IFNGR1: variants seen among roughly 807,000 people sequenced by gnomAD.
IFNGR1 encodes interferon gamma receptor 1, also known as AVP, type 2.
Under a neutral mutation model 35.4 loss-of-function variants are expected in IFNGR1, and 23 were observed. The observed-to-expected ratio is 0.65, with a 90% CI of 0.47 to 0.92. IFNGR1 has a LOEUF of 0.92. Ranked by LOEUF, IFNGR1 falls within the 40% of genes least tolerant of loss-of-function variation. The pLI, the probability that IFNGR1 is intolerant of heterozygous loss-of-function variation, is 0.00. For missense variants in IFNGR1, 533 were observed against 583.4 expected (o/e 0.91, Z 0.89); for synonymous variants, 199 against 209.5 (o/e 0.95, Z 0.43).
chr6:137,199,368 T>C (rs1421827705), intron 6 of IFNGR1, among the ~76,000 whole-genome samples: 1 of 130,384 alleles, frequency 7.7e-6, no homozygotes, highest in Non-Finnish European at 1.6e-5. Flanking sequence ...TAATATATTA[T>C]ATAAAATATA....
At chr6:137,205,917 T>C (rs1048002560) in intron 3 of IFNGR1, among the ~76,000 whole-genome samples, 3 of 152,234 alleles carry the variant, frequency 2.0e-5, no homozygotes, top group African/African-American at 7.2e-5. Context: ...CCAATGAGTA[T>C]TTCCTTTGAG....
Position 137,219,245 on chromosome 6 carries a change from G to A in IFNGR1, c.83C>T (p.Ser28Leu). Residue 28 changes from serine (S) to leucine (L), a missense_variant and splice_region_variant, in exon 1 of 7, where the codon TCA becomes TTA. Transcript: ENST00000367739. ...EMGTADLGPS[S>L]VPTPTNVTIE... Reference sequence around the variant, plus strand: ...AGCCCTGCCGCGAACGACGGTACCTGAGGACGGCCCCAGATCCGCGGTGCC... The same window carrying A: ...AGCCCTGCCGCGAACGACGGTACCTAAGGACGGCCCCAGATCCGCGGTGCC... The A allele has an allele frequency of 6.2e-7, 1 of 1,609,616 alleles. No individual in the cohort carries two copies. The highest frequency in any genetic ancestry group is 8.5e-7 in the Non-Finnish European group (1 of 1,178,422).
At chr6:137,203,834 C>G (rs1779358852) in intron 4 of IFNGR1, 149 bp from the exon 5 acceptor site, 1 of 682,958 alleles carries the variant, frequency 1.5e-6, no homozygotes, top group African/African-American at 1.8e-5. Context: ...ATCAATAAGT[C>G]AATTTGTTAC....
In IFNGR1 at chr6:137,198,345, G is replaced by A. The variant is rs770411050; in HGVS notation, c.1156C>T (p.Gln386Ter). 6.2e-7 allele frequency: 1 copy of A among 1,613,802 alleles called. No individual in the cohort carries two copies. The highest frequency in any genetic ancestry group is 8.5e-7 in the Non-Finnish European group (1 of 1,180,006). ...RESSSPLSSN[Q>*]SEPGSIALNS... ...AAAGCGATGCTGCCAGGTTCAGACT[G>A]GTTACTACTTAAAGGTGAAGAACTC... The change falls in exon 7 of 7, where the codon CAG becomes TAG. Residue 386 changes from glutamine to a stop codon, truncating the protein, a stop_gained. Coordinates refer to ENST00000367739, the MANE Select transcript of IFNGR1 (RefSeq NM_000416.3). LOFTEE classifies it low-confidence loss of function (END_TRUNC).
intron 4 of IFNGR1, 119 bp downstream of exon 4, chr6:137,204,213 T>C (rs1312251231): frequency 1.2e-6 from 1 of 864,484 alleles, no homozygotes; most frequent in African/African-American, 1.7e-5. Context: ...TTATCAAATC[T>C]ATGATCTGTG....
intron 1 of IFNGR1, among the ~76,000 whole-genome samples, chr6:137,212,289 G>A (rs992523466): frequency 6.6e-6 from 1 of 152,106 alleles, no homozygotes; most frequent in Non-Finnish European, 1.5e-5. Flanking sequence ...ACAGAGTCTT[G>A]CTCTGTTGCC....
rs745531957 is a variant in IFNGR1 at position 137,198,307 on chromosome 6, G to A, written c.1194C>T (p.His398=). 46 of 1,613,984 alleles carry A rather than the reference G, an allele frequency of 2.9e-5. No individual in the cohort carries two copies. Among genetic ancestry groups the A allele is most frequent in the Non-Finnish European group, 4.2e-6 (5 of 1,180,032 alleles). The part of the protein sequence containing the change: ...EPGSIALNSY[H]SRNCSESDHS... ...GATCACTCTCAGAACAATTTCTGGA[G>A]TGATACGAGTTTAAAGCGATGCTGC... The change falls in exon 7 of 7, where the codon CAC becomes CAT. Residue 398 remains histidine, a synonymous_variant. Coordinates refer to ENST00000367739, the MANE Select transcript of IFNGR1 (RefSeq NM_000416.3).
intron 5 of IFNGR1, 53 bp from the exon 6 acceptor site, chr6:137,201,061 T>A (rs376137416): frequency 3.8e-6 from 6 of 1,585,348 alleles, no homozygotes; most frequent in Middle Eastern, 1.7e-4. Context: ...ACTGCTATTA[T>A]CTATCAAAAA....
At chr6:137,200,345 CCTA>C (rs1402444499) in intron 6 of IFNGR1, among the ~76,000 whole-genome samples, 1 of 152,126 alleles carries the variant, frequency 6.6e-6, no homozygotes, top group African/African-American at 2.4e-5. Context: ...TCGTCAAACT[CCTA>C]CGTTAGTCTC....
chr6:137,203,643 C>T lies in IFNGR1; in HGVS notation c.589G>A (p.Glu197Lys), dbSNP rs55666220. The T allele has an allele frequency of 1.5e-4, 246 of 1,612,862 alleles. No individual in the cohort carries two copies. The Middle Eastern group carries it at 5.4e-3, about 36-fold the overall frequency. The stretch of plus-strand genomic sequence containing the variant: ...GGAATCGCTAACTGGCACTGAATCT[C>T]GTCACAATCATCTTCCTTCTGCGTG... ...ILTQKEDDCD[E>K]IQCQLAIPVS... The change falls in exon 5 of 7, where the codon GAG (glutamate) becomes AAG (lysine). Residue 197 changes from glutamate (E) to lysine (K), a missense_variant. Coordinates refer to ENST00000367739, the MANE Select transcript of IFNGR1 (RefSeq NM_000416.3).
chr6:137,218,570 C>CT, intron 1 of IFNGR1: 1 of 1,251,642 alleles, frequency 8.0e-7, no homozygotes, highest in Non-Finnish European at 1.0e-6. Context: ...GCATACTTTC[C>CT]TACCCTAAGC....
At chr6:137,218,680 G>A (rs1244675610) in intron 1 of IFNGR1, 11 of 348,218 alleles carry the variant, frequency 3.2e-5, no homozygotes, top group Non-Finnish European at 6.1e-5. Context: ...ACAGTCATGC[G>A]TCACTTAACG....
At chr6:137,218,282 T>C (rs1364237251) in intron 1 of IFNGR1, among the ~76,000 whole-genome samples, 1 of 144,270 alleles carries the variant, frequency 6.9e-6, no homozygotes, top group East Asian at 2.3e-4. Flanking sequence ...TAAATCATAA[T>C]AAAAAAAAGA....
At chr6:137,199,500 A>ATATATT (rs1779201890) in intron 6 of IFNGR1, among the ~76,000 whole-genome samples, 1 of 14,502 alleles carries the variant, frequency 6.9e-5, no homozygotes, top group African/African-American at 1.6e-4. Flanking sequence ...TATTATATAA[A>ATATATT]ATATATAATT....
chr6:137,200,202 GT>G (rs1313579430), intron 6 of IFNGR1, among the ~76,000 whole-genome samples: 4 of 152,120 alleles, frequency 2.6e-5, no homozygotes, highest in African/African-American at 7.2e-5. Flanking sequence ...TTTAAAGGTA[GT>G]TTATAGCAAA....
At chr6:137,218,163 C>T (rs1779752004) in intron 1 of IFNGR1, among the ~76,000 whole-genome samples, 1 of 152,160 alleles carries the variant, frequency 6.6e-6, no homozygotes, top group South Asian at 2.1e-4. Flanking sequence ...GCAGGCCTCT[C>T]CGTAACTCAA....
chr6:137,213,660 TA>T (rs1267237768), intron 1 of IFNGR1, among the ~76,000 whole-genome samples: 2 of 152,138 alleles, frequency 1.3e-5, no homozygotes, highest in African/African-American at 4.8e-5. Context: ...GACGGGACCA[TA>T]ACAATGTCAC....
In IFNGR1 at chr6:137,198,645, G is replaced by C. The variant is rs1582627773; in HGVS notation, c.862-6C>G. ...GCACTTCTTACCACAGAGATCTATG[G>C]GGAGAAAAATTGATTAAAGATAAAA... On this transcript the variant is annotated splice_region_variant and splice_polypyrimidine_tract_variant and intron_variant, in intron 6 of 6. Coordinates refer to ENST00000367739, the MANE Select transcript of IFNGR1 (RefSeq NM_000416.3). 1 of 1,605,120 alleles carries C rather than the reference G, an allele frequency of 6.2e-7. No individual in the cohort carries two copies. The highest frequency in any genetic ancestry group is 2.2e-5 in the East Asian group (1 of 44,844).
intron 2 of IFNGR1, chr6:137,206,635 C>A: frequency 2.6e-6 from 1 of 384,818 alleles, no homozygotes; most frequent in South Asian, 4.1e-5. Flanking sequence ...ATTAAAAAAA[C>A]TAACAGTTGT....
Sources: gnomAD v4.1 joint callset for allele counts (sites outside exome capture counted in the v4.1 genomes callset) on GRCh38, gnomAD v4.1.1 for gene constraint, MANE v1.5 for transcripts, NCBI Gene and HGNC (gene_info 2026-07-23, HGNC 2026-07-21) for gene names.